Variants in DPP10 observed in about 807,000 individuals in gnomAD.
DPP10 encodes inactive dipeptidyl peptidase 10.
DPP10 carries 33 observed loss-of-function variants against 120.9 expected under a neutral mutation model. The observed-to-expected ratio is 0.27, with a 90% CI of 0.21 to 0.37. The LOEUF (loss-of-function observed/expected upper bound fraction) is 0.37. Among genes scored for constraint, DPP10 ranks in the 10% least tolerant of loss-of-function variants. The pLI is 1.00. For missense variants in DPP10, 816 were observed against 942.8 expected (o/e 0.87, Z 1.76); for synonymous variants, 337 against 326.1 (o/e 1.03, Z -0.36).
chr2:114,535,862 T>C (rs1252295148), intron 1 of DPP10, among the ~76,000 whole-genome samples: 2 of 152,190 alleles, frequency 1.3e-5, no homozygotes, highest in Admixed American at 6.5e-5. Context: ...TTCAACCTCA[T>C]TTTTCACCAT....
At chr2:115,470,512 G>A (rs541927591) in intron 3 of DPP10, among the ~76,000 whole-genome samples, 3 of 152,138 alleles carry the variant, frequency 2.0e-5, no homozygotes, top group Non-Finnish European at 4.4e-5. Flanking sequence ...CTGGTTGAGA[G>A]GGTTCGAAGC....
chr2:114,479,935 GA>G (rs1299395675), intron 1 of DPP10, among the ~76,000 whole-genome samples: 1 of 151,614 alleles, frequency 6.6e-6, no homozygotes, highest in Non-Finnish European at 1.5e-5. Flanking sequence ...GCAACCTACA[GA>G]ATGGGAGAAA....
intron 3 of DPP10, among the ~76,000 whole-genome samples, chr2:115,457,407 CTT>C (rs1339024711): frequency 1.3e-5 from 2 of 151,446 alleles, no homozygotes; most frequent in Non-Finnish European, 3.0e-5. Flanking sequence ...AATTAATAAA[CTT>C]GACTTATTGC....
intron 1 of DPP10, among the ~76,000 whole-genome samples, chr2:115,278,713 G>A (rs889959018): frequency 6.6e-6 from 1 of 151,998 alleles, no homozygotes; most frequent in African/African-American, 2.4e-5. Flanking sequence ...CTAGTAGGGT[G>A]AGAATTCAGT....
chr2:115,042,503 T>G (rs1704733994), intron 1 of DPP10, among the ~76,000 whole-genome samples: 1 of 152,190 alleles, frequency 6.6e-6, no homozygotes. Flanking sequence ...TGGCCTCAAG[T>G]GCTCCACCCG....
intron 1 of DPP10, among the ~76,000 whole-genome samples, chr2:115,015,068 A>G (rs1433497050): frequency 2.0e-5 from 3 of 152,158 alleles, no homozygotes; most frequent in Non-Finnish European, 4.4e-5. Context: ...TTTCAGGCCA[A>G]TATTCCTGAT....
chr2:115,700,017 C>T (rs980392118), intron 7 of DPP10, among the ~76,000 whole-genome samples: 1 of 152,124 alleles, frequency 6.6e-6, no homozygotes, highest in African/African-American at 2.4e-5. Flanking sequence ...GGGAAGGCCT[C>T]AGGAAACTTT....
chr2:114,853,138 A>G (rs887565244), intron 1 of DPP10, among the ~76,000 whole-genome samples: 2 of 152,186 alleles, frequency 1.3e-5, no homozygotes, highest in Admixed American at 1.3e-4. Context: ...ATGGTGATAG[A>G]GGTCAGAATA....
intron 1 of DPP10, among the ~76,000 whole-genome samples, chr2:115,064,997 G>T (rs1271293976): frequency 6.6e-6 from 1 of 152,006 alleles, no homozygotes; most frequent in Non-Finnish European, 1.5e-5. Flanking sequence ...ATTTTTGAAG[G>T]ATAATTTGAA....
intron 1 of DPP10, among the ~76,000 whole-genome samples, chr2:114,559,713 T>C (rs1245885197): frequency 6.6e-6 from 1 of 151,952 alleles, no homozygotes; most frequent in East Asian, 1.9e-4. Context: ...TCTGTGTGGA[T>C]CATGAGTAGG....
chr2:114,728,680 A>T (rs1349669106), intron 1 of DPP10, among the ~76,000 whole-genome samples: 1 of 152,186 alleles, frequency 6.6e-6, no homozygotes, highest in Non-Finnish European at 1.5e-5. Flanking sequence ...ACAGGGTAAA[A>T]TTACAGAATT....
chr2:115,001,976 C>T (rs913193778), intron 1 of DPP10, among the ~76,000 whole-genome samples: 2 of 152,138 alleles, frequency 1.3e-5, no homozygotes, highest in African/African-American at 4.8e-5. Context: ...TTTATGGATT[C>T]AATGCTATTC....
chr2:114,929,473 C>T (rs1695903428), intron 1 of DPP10, among the ~76,000 whole-genome samples: 1 of 152,146 alleles, frequency 6.6e-6, no homozygotes, highest in African/African-American at 2.4e-5. Context: ...GAGGCCTCCC[C>T]CTGGGAATGC....
intron 2 of DPP10, among the ~76,000 whole-genome samples, chr2:115,341,778 A>T (rs868451101): frequency 1.6e-5 from 1 of 60,674 alleles, no homozygotes; most frequent in Non-Finnish European, 4.2e-5. Context: ...ATGGCTTGAT[A>T]GCTCATTTTT....
intron 1 of DPP10, chr2:114,462,151 T>A: frequency 1.0e-6 from 1 of 985,348 alleles, no homozygotes; most frequent in Non-Finnish European, 1.2e-6. Flanking sequence ...GTAATTTTCT[T>A]TATTAAAAAA....
chr2:114,880,587 T>A (rs1021170646), intron 1 of DPP10, among the ~76,000 whole-genome samples: 3 of 152,146 alleles, frequency 2.0e-5, no homozygotes, highest in African/African-American at 7.2e-5. Flanking sequence ...TCCTGCAACA[T>A]AATTTGTCCT....
intron 1 of DPP10, among the ~76,000 whole-genome samples, chr2:114,855,571 G>GAC (rs921105222): frequency 2.6e-5 from 4 of 152,122 alleles, no homozygotes; most frequent in Admixed American, 2.6e-4. Context: ...TTCTCTGTAT[G>GAC]ACAACATTAA....
intron 1 of DPP10, among the ~76,000 whole-genome samples, chr2:115,024,723 T>C (rs1703334724): frequency 6.8e-6 from 1 of 146,940 alleles, no homozygotes; most frequent in African/African-American, 2.5e-5. Flanking sequence ...AATATATTTG[T>C]ATAAATAAAT....
intron 1 of DPP10, chr2:114,707,201 A>G (rs958353575): frequency 3.3e-5 from 5 of 152,166 alleles, no homozygotes; most frequent in African/African-American, 1.2e-4. Flanking sequence ...AAGACGAACA[A>G]TTACCTTTAA....
Sources: allele counts gnomAD v4.1 joint callset (sites outside exome capture counted in the v4.1 genomes callset), GRCh38; gene constraint gnomAD v4.1.1; transcripts MANE v1.5; gene names NCBI Gene and HGNC (gene_info 2026-07-23, HGNC 2026-07-21).